The following AUTS2 variants were observed in gnomAD, a reference collection of about 807,000 sequenced individuals.
AUTS2 encodes autism susceptibility gene 2 protein.
In AUTS2, 17 loss-of-function variants were observed where a neutral mutation model predicts 112.4. The ratio of observed to expected loss-of-function variants is 0.15; its 90% CI spans 0.10 to 0.23. The LOEUF is 0.23. Ranked by LOEUF, AUTS2 falls within the 10% of genes least tolerant of loss-of-function variation. The pLI is 1.00. For synonymous variants in AUTS2, 751 were observed against 702.7 expected (o/e 1.07, Z -1.09); for missense variants, 1,510 against 1,701.6 (o/e 0.89, Z 1.98).
intron 1 of AUTS2, among the ~76,000 whole-genome samples, chr7:69,889,980 G>A (rs897996020): frequency 6.6e-6 from 1 of 152,106 alleles, no homozygotes; most frequent in Non-Finnish European, 1.5e-5. Context: ...CCTCAGTCAT[G>A]CTGTGCTCAG....
intron 18 of AUTS2, among the ~76,000 whole-genome samples, chr7:70,788,189 A>G (rs2129561217): frequency 6.6e-6 from 1 of 152,322 alleles, no homozygotes; most frequent in East Asian, 1.9e-4. Context: ...CTGATAAGGA[A>G]TGCACAAATA....
intron 2 of AUTS2, among the ~76,000 whole-genome samples, chr7:70,096,660 A>G (rs1220748509): frequency 6.6e-6 from 1 of 152,012 alleles, no homozygotes; most frequent in African/African-American, 2.4e-5. Flanking sequence ...GACTATACTC[A>G]TTTGAGTTTG....
intron 4 of AUTS2, among the ~76,000 whole-genome samples, chr7:70,302,823 C>T (rs1789281340): frequency 6.6e-6 from 1 of 151,844 alleles, no homozygotes; most frequent in Admixed American, 6.6e-5. Context: ...AAGCACTTCT[C>T]ATCATGTCCG....
intron 2 of AUTS2, among the ~76,000 whole-genome samples, chr7:70,049,475 A>G (rs1801651745): frequency 6.6e-6 from 1 of 151,770 alleles, no homozygotes; most frequent in Non-Finnish European, 1.5e-5. Flanking sequence ...GATTACAGGT[A>G]CCTGCCACCA....
intron 1 of AUTS2, among the ~76,000 whole-genome samples, chr7:69,708,986 C>G (rs1047990450): frequency 6.6e-6 from 1 of 152,194 alleles, no homozygotes; most frequent in Non-Finnish European, 1.5e-5. Flanking sequence ...TCAGACATCC[C>G]TGATGACTCA....
intron 6 of AUTS2, among the ~76,000 whole-genome samples, chr7:70,738,421 T>G (rs1237238475): frequency 4.0e-5 from 6 of 151,394 alleles, no homozygotes; most frequent in South Asian, 2.1e-4. Flanking sequence ...GTTTTTTGTT[T>G]TTTTTTTTTT....
intron 1 of AUTS2, among the ~76,000 whole-genome samples, chr7:69,806,989 G>A (rs1328395818): frequency 1.3e-5 from 2 of 151,936 alleles, no homozygotes; most frequent in African/African-American, 4.8e-5. Context: ...TTTTTTAGCT[G>A]GAAATTTTAA....
chr7:70,292,703 G>C (rs553143595), intron 4 of AUTS2: 1 of 152,194 alleles, frequency 6.6e-6, no homozygotes, highest in South Asian at 2.1e-4. Flanking sequence ...TTGTGAGATG[G>C]TTCCCTACTA....
At chr7:70,035,130 C>T (rs528606323) in intron 2 of AUTS2, among the ~76,000 whole-genome samples, 2 of 152,332 alleles carry the variant, frequency 1.3e-5, no homozygotes, top group South Asian at 4.1e-4. Flanking sequence ...TTTGCATTTC[C>T]CATTTTGTAC....
chr7:70,284,837 G>A (rs1349549221), intron 4 of AUTS2, among the ~76,000 whole-genome samples: 5 of 152,162 alleles, frequency 3.3e-5, no homozygotes, highest in Non-Finnish European at 7.3e-5. Flanking sequence ...CAGAAAGCCA[G>A]GGAAGATCCC....
intron 4 of AUTS2, among the ~76,000 whole-genome samples, chr7:70,300,810 C>T (rs558493256): frequency 5.1e-4 from 78 of 152,226 alleles, no homozygotes; most frequent in African/African-American, 1.5e-3. Context: ...GGGATGTAGA[C>T]ACATAATGTT....
intron 2 of AUTS2, among the ~76,000 whole-genome samples, chr7:70,018,224 C>A (rs114358009): frequency 6.6e-6 from 1 of 151,506 alleles, no homozygotes; most frequent in Non-Finnish European, 1.5e-5. Flanking sequence ...TTTTTTAACG[C>A]CTTTAACTAC....
chr7:69,755,546 G>A (rs551486152), intron 1 of AUTS2, among the ~76,000 whole-genome samples: 8 of 152,132 alleles, frequency 5.3e-5, no homozygotes, highest in Non-Finnish European at 8.8e-5. Flanking sequence ...TTGATTTTAC[G>A]GGTCTGACAT....
chr7:70,426,549 G>A (rs572008330), intron 4 of AUTS2, among the ~76,000 whole-genome samples: 3 of 152,182 alleles, frequency 2.0e-5, no homozygotes, highest in African/African-American at 7.2e-5. Context: ...CTCATTTAAC[G>A]GCACCTGTGA....
At chr7:70,344,619 A>C (rs1791411884) in intron 4 of AUTS2, among the ~76,000 whole-genome samples, 1 of 152,164 alleles carries the variant, frequency 6.6e-6, no homozygotes, top group Non-Finnish European at 1.5e-5. Context: ...CCTTATTTTA[A>C]AAGATGATCA....
At chr7:70,066,674 G>T (rs1331494769) in intron 2 of AUTS2, among the ~76,000 whole-genome samples, 1 of 151,692 alleles carries the variant, frequency 6.6e-6, no homozygotes, top group Non-Finnish European at 1.5e-5. Context: ...TGAATAGCTG[G>T]TACTACAGGT....
intron 15 of AUTS2, 174 bp from the exon 16 acceptor site, chr7:70,784,768 A>G (rs1791328434): frequency 4.2e-6 from 1 of 238,642 alleles, no homozygotes; most frequent in Non-Finnish European, 7.4e-6. Flanking sequence ...AAAAAAAAAA[A>G]AAAAACACAC....
chr7:70,078,500 T>C (rs1803144647), intron 2 of AUTS2, among the ~76,000 whole-genome samples: 2 of 152,238 alleles, frequency 1.3e-5, no homozygotes, highest in Admixed American at 6.5e-5. Context: ...TTCATCCTAA[T>C]GAAGTAAAGT....
intron 4 of AUTS2, among the ~76,000 whole-genome samples, chr7:70,170,018 T>A (rs970612487): frequency 6.6e-6 from 1 of 151,862 alleles, no homozygotes; most frequent in Non-Finnish European, 1.5e-5. Flanking sequence ...AATTGGAAAC[T>A]ATTAAAAACA....
Sources: gnomAD v4.1 joint callset for allele counts (sites outside exome capture counted in the v4.1 genomes callset) on GRCh38, gnomAD v4.1.1 for gene constraint, MANE v1.5 for transcripts, NCBI Gene and HGNC (gene_info 2026-07-23, HGNC 2026-07-21) for gene names.